The following HPD variants were observed in gnomAD, a reference collection of about 807,000 sequenced individuals.
HPD encodes the protein 4-hydroxyphenylpyruvic acid oxidase.
HPD carries 35 observed loss-of-function variants against 56.9 expected under a neutral mutation model. The ratio of observed to expected loss-of-function variants is 0.62; its 90% CI spans 0.47 to 0.82. The LOEUF (loss-of-function observed/expected upper bound fraction) is 0.82. Ranked by LOEUF, HPD falls within the 40% of genes least tolerant of loss-of-function variation. HPD has a pLI of 0.00. For missense variants in HPD, 442 were observed against 506.8 expected (o/e 0.87, Z 1.23); for synonymous variants, 186 against 200.2 (o/e 0.93, Z 0.60).
At chr12:121,858,904 C>T (rs1203561649), upstream of HPD, 14 of 1,553,478 alleles carry the variant, frequency 9.0e-6, no homozygotes, top group Non-Finnish European at 9.8e-6. Context: ...AAGCAGGTCC[C>T]GCCCAGGCCT....
At chr12:121,849,816 G>A (rs371165053) in intron 7 of HPD, 26 bp from the exon 8 acceptor site, 7 of 1,504,120 alleles carry the variant, frequency 4.7e-6, no homozygotes, top group South Asian at 1.1e-5. Flanking sequence ...AGCCTGGCTC[G>A]GCCCCTGGGC....
chr12:121,843,625 T>C (rs1170728233), intron 12 of HPD, 85 bp downstream of exon 12: 2 of 1,536,112 alleles, frequency 1.3e-6, no homozygotes, highest in African/African-American at 2.7e-5. Context: ...TGGGCTCCCC[T>C]CCGGGCTGAG....
At chr12:121,850,629 A>ACGTCCAGCCAATTTTGTATTTTTAG (rs1566571271) in intron 7 of HPD, among the ~76,000 whole-genome samples, 3 of 147,278 alleles carry the variant, frequency 2.0e-5, no homozygotes, top group East Asian at 2.1e-4. Flanking sequence ...GTGTACCACC[A>ACGTCCAGCCAATTTTGTATTTTTAG]TGCCGGGCCC....
chr12:121,841,063 A>G (rs1877389619), intron 12 of HPD, among the ~76,000 whole-genome samples: 1 of 152,070 alleles, frequency 6.6e-6, no homozygotes. Flanking sequence ...TTGGCTGGGC[A>G]TGGTGGCACA....
At chr12:121,854,848 T>G in intron 6 of HPD, 56 bp from the exon 7 acceptor site, 1 of 1,360,208 alleles carries the variant, frequency 7.4e-7, no homozygotes, top group South Asian at 1.2e-5. Flanking sequence ...CCAGAACCCT[T>G]GCCTGCTGCT....
chr12:121,853,493 G>A (rs1877880018), intron 7 of HPD, among the ~76,000 whole-genome samples: 1 of 151,642 alleles, frequency 6.6e-6, no homozygotes, highest in Non-Finnish European at 1.5e-5. Flanking sequence ...GTGGTGGCGG[G>A]CGCCTGTAGT....
At chr12:121,852,277 C>A (rs1382821664) in intron 7 of HPD, among the ~76,000 whole-genome samples, 1 of 152,146 alleles carries the variant, frequency 6.6e-6, no homozygotes, top group Non-Finnish European at 1.5e-5. Flanking sequence ...GCCTTGGCCT[C>A]CCAAATTGCT....
rs1176954964 is a variant in HPD, at chr12:121,852,622, C to CTTTTTT, written c.414+2075_414+2080dup. Among the ~76,000 whole-genome samples the CTTTTTT allele has an allele frequency of 6.1e-4, 43 of 70,506 alleles. 3 individuals are homozygous for CTTTTTT. The highest frequency in any genetic ancestry group is 2.4e-3 in the African/African-American group (39 of 16,190). The allele number at this position is 70,506 out of a possible 152,430, so 46.3% of individuals were successfully genotyped here. Reference sequence around the variant, plus strand: ...TATACACAAATGACCTCATTGGATCCTTTTTTTTTTTTTTTTTTTTTTTTT... The same window carrying CTTTTTT: ...TATACACAAATGACCTCATTGGATCCTTTTTTTTTTTTTTTTTTTTTTTTTTTTTTT... On this transcript the variant is annotated intron_variant, in intron 7 of 13. Coordinates refer to ENST00000289004, the MANE Select transcript of HPD (RefSeq NM_002150.3).
upstream of HPD, among the ~76,000 whole-genome samples, chr12:121,867,714 A>C (rs2137646920): frequency 6.6e-6 from 1 of 152,166 alleles, no homozygotes; most frequent in South Asian, 2.1e-4. Context: ...GGGTTTTGCC[A>C]TGTTGGCTCG....
chr12:121,845,698 A>G (rs750568667), intron 11 of HPD, among the ~76,000 whole-genome samples: 15 of 151,638 alleles, frequency 9.9e-5, no homozygotes, highest in Non-Finnish European at 2.1e-4. Context: ...GGCCTCCCAC[A>G]GTGTCTGACC....
At chr12:121,877,353 C>T in the HPD span, among the ~76,000 whole-genome samples, 51 of 152,180 alleles carry the variant, frequency 3.4e-4, no homozygotes, top group East Asian at 9.3e-3. Flanking sequence ...CTCTAGAGCC[C>T]CTCCAGATTT....
At chr12:121,846,994 A>G in intron 10 of HPD, 58 bp downstream of exon 10, 1 of 1,612,590 alleles carries the variant, frequency 6.2e-7, no homozygotes, top group Non-Finnish European at 8.5e-7. Context: ...CCCTGACCCT[A>G]CAAGAGCCCC....
chr12:121,846,218 A>G (rs1015053281), intron 11 of HPD, among the ~76,000 whole-genome samples: 1 of 151,696 alleles, frequency 6.6e-6, no homozygotes, highest in African/African-American at 2.4e-5. Flanking sequence ...TTTATTAATT[A>G]CTATTATTTT....
the HPD span, among the ~76,000 whole-genome samples, chr12:121,886,994 G>C: frequency 6.6e-6 from 1 of 152,088 alleles, no homozygotes. Flanking sequence ...CTGCCTCCCC[G>C]GTTCAAGCGA....
chr12:121,853,621 CAAAAAAA>C lies in HPD; in HGVS notation c.414+1075_414+1081del, dbSNP rs35131803. Among the ~76,000 whole-genome samples the C allele has an allele frequency of 5.8e-4, 31 of 53,432 alleles. 1 individual carries two copies. The highest frequency in any genetic ancestry group is 3.9e-3 in the South Asian group (7 of 1,812). 35.1% of individuals were successfully genotyped at this position (53,432 alleles called of 152,430 possible). A position where few individuals can be genotyped will look rare whatever the true frequency, so the allele number is the denominator to read the frequency against. ...TGGGCGACAGAGCGAGACTCCATCTCAAAAAAAAAAAAAAAAAGAAAAAAGAAAGTTG... is the reference window on the plus strand; with the variant it reads ...TGGGCGACAGAGCGAGACTCCATCTCAAAAAAAAAAGAAAAAAGAAAGTTG... On this transcript the variant is annotated intron_variant, in intron 7 of 13. Transcript: ENST00000289004.
At chr12:121,875,274 C>T in the HPD span, among the ~76,000 whole-genome samples, 1 of 152,174 alleles carries the variant, frequency 6.6e-6, no homozygotes, top group Non-Finnish European at 1.5e-5. Context: ...AGACAGTGGT[C>T]CAGATTTAGA....
upstream of HPD, among the ~76,000 whole-genome samples, chr12:121,866,444 A>C (rs1878332431): frequency 6.6e-6 from 1 of 151,592 alleles, no homozygotes; most frequent in African/African-American, 2.4e-5. Context: ...AAAACCCCAC[A>C]GTTTACAGAT....
chr12:121,845,378 C>A (rs1877545047), intron 11 of HPD, among the ~76,000 whole-genome samples: 1 of 149,330 alleles, frequency 6.7e-6, no homozygotes, highest in African/African-American at 2.6e-5. Flanking sequence ...GGGCAGATCA[C>A]AAGATCAGGA....
chr12:121,857,639 C>G, intron 3 of HPD, 118 bp downstream of exon 3: 4 of 950,358 alleles, frequency 4.2e-6, no homozygotes, highest in Non-Finnish European at 5.1e-6. Context: ...ATCTGGCCCA[C>G]CCCTGGCCTG....
Sources: allele counts gnomAD v4.1 joint callset (sites outside exome capture counted in the v4.1 genomes callset), GRCh38; gene constraint gnomAD v4.1.1; transcripts MANE v1.5; gene names NCBI Gene and HGNC (gene_info 2026-07-23, HGNC 2026-07-21).